TBC1D5: variants seen among roughly 807,000 people sequenced by gnomAD.
TBC1D5 encodes TBC1 domain family member 5.
Under a neutral mutation model 100.3 loss-of-function variants are expected in TBC1D5, and 75 were observed. The observed-to-expected ratio is 0.75, with a 90% confidence interval of 0.62 to 0.91. The LOEUF (loss-of-function observed/expected upper bound fraction) is 0.91, where lower values mean the gene tolerates loss of function less well. Ranked by LOEUF, TBC1D5 falls within the 40% of genes least tolerant of loss-of-function variation. The pLI is 0.00. For missense variants in TBC1D5, 910 were observed against 942.4 expected (o/e 0.97, Z 0.45); for synonymous variants, 323 against 325.6 (o/e 0.99, Z 0.09).
intron 9 of TBC1D5, among the ~76,000 whole-genome samples, chr3:17,379,119 G>A (rs1169900255): frequency 1.3e-5 from 2 of 148,694 alleles, no homozygotes; most frequent in African/African-American, 5.0e-5. Flanking sequence ...TTATCTTGAT[G>A]ATTCTATTTT....
At chr3:17,558,923 T>C (rs1358027353) in intron 2 of TBC1D5, among the ~76,000 whole-genome samples, 1 of 152,168 alleles carries the variant, frequency 6.6e-6, no homozygotes, top group Non-Finnish European at 1.5e-5. Context: ...CAGGCCAGAT[T>C]TGCCTCATAG....
Position 17,248,288 on chromosome 3 carries a change from G to A in TBC1D5, c.1332-9869C>T, listed in dbSNP as rs191517261. ...ATTACAGGCGTGAGCCACTGCGCCCGGCCTGATGTCTTGAATCCCTCTGAG... is the reference window on the plus strand; with the variant it reads ...ATTACAGGCGTGAGCCACTGCGCCCAGCCTGATGTCTTGAATCCCTCTGAG... On this transcript the variant is annotated intron_variant, in intron 16 of 21. Transcript: ENST00000253692. 3.4e-3 allele frequency among the ~76,000 whole-genome samples: 523 copies of A among 152,270 alleles called. 3 individuals carry two copies. Among genetic ancestry groups the A allele is most frequent in the Non-Finnish European group, 5.4e-3 (366 of 68,016 alleles).
At chr3:17,536,486 A>C (rs1016414267) in intron 2 of TBC1D5, among the ~76,000 whole-genome samples, 1 of 152,232 alleles carries the variant, frequency 6.6e-6, no homozygotes, top group South Asian at 2.1e-4. Context: ...ATCTATCTCC[A>C]TAACTTCTCA....
chr3:17,168,720 C>T (rs182494977), intron 19 of TBC1D5, among the ~76,000 whole-genome samples: 4 of 152,192 alleles, frequency 2.6e-5, no homozygotes, highest in Admixed American at 2.0e-4. Flanking sequence ...CTGATAGATA[C>T]ACCGATTTGA....
chr3:17,649,259 T>C (rs543034422), intron 1 of TBC1D5, among the ~76,000 whole-genome samples: 33 of 152,072 alleles, frequency 2.2e-4, no homozygotes, highest in African/African-American at 8.0e-4. Flanking sequence ...TTCTTATAAG[T>C]GGGGCTAAAT....
At chr3:17,401,380 T>TATGTGTATAATATAC (rs1559806156) in intron 8 of TBC1D5, among the ~76,000 whole-genome samples, 1 of 41,592 alleles carries the variant, frequency 2.4e-5, no homozygotes, top group Non-Finnish European at 5.0e-5. Flanking sequence ...TATACATATG[T>TATGTGTATAATATAC]ATATGTATAT....
At chr3:17,517,889 G>A (rs1305396745) in intron 2 of TBC1D5, among the ~76,000 whole-genome samples, 1 of 152,078 alleles carries the variant, frequency 6.6e-6, no homozygotes, top group East Asian at 1.9e-4. Flanking sequence ...AAAATTATAT[G>A]TATTTCTAAA....
intron 2 of TBC1D5, among the ~76,000 whole-genome samples, chr3:17,526,356 T>C (rs549817973): frequency 2.6e-5 from 4 of 152,278 alleles, no homozygotes; most frequent in Non-Finnish European, 4.4e-5. Flanking sequence ...TAGCTGGGAC[T>C]ACAGATGAGT....
At chr3:17,535,091 G>C (rs1440468567) in intron 2 of TBC1D5, among the ~76,000 whole-genome samples, 1 of 152,126 alleles carries the variant, frequency 6.6e-6, no homozygotes. Context: ...TTTCTTCAGT[G>C]AAATTATTAA....
At chr3:17,178,792 A>G (rs1271509805) in intron 19 of TBC1D5, among the ~76,000 whole-genome samples, 1 of 151,410 alleles carries the variant, frequency 6.6e-6, no homozygotes, top group Non-Finnish European at 1.5e-5. Flanking sequence ...GACATATGCC[A>G]CCATGCCCAA....
At chr3:17,717,280 T>G (rs1019396578) in intron 1 of TBC1D5, among the ~76,000 whole-genome samples, 3 of 149,574 alleles carry the variant, frequency 2.0e-5, no homozygotes, top group African/African-American at 7.3e-5. Flanking sequence ...GGGGGGTGGC[T>G]AAAGCAACAT....
chr3:17,168,866 G>A (rs1377234328), intron 19 of TBC1D5, among the ~76,000 whole-genome samples: 2 of 151,910 alleles, frequency 1.3e-5, no homozygotes, highest in African/African-American at 2.4e-5. Flanking sequence ...CAGTTGCTAC[G>A]GGACTCCTAG....
At chr3:17,331,433 G>A (rs1363988735) in intron 13 of TBC1D5, among the ~76,000 whole-genome samples, 4 of 152,100 alleles carry the variant, frequency 2.6e-5, no homozygotes, top group African/African-American at 9.7e-5. Flanking sequence ...ATTTGTCCAG[G>A]TCTTCTTCTA....
At chr3:17,197,660 C>T (rs891520735) in intron 18 of TBC1D5, among the ~76,000 whole-genome samples, 2 of 152,164 alleles carry the variant, frequency 1.3e-5, no homozygotes, top group Admixed American at 6.5e-5. Context: ...GCATGAGTTA[C>T]TGTGCCTAGA....
intron 1 of TBC1D5, chr3:17,700,133 G>T (rs1015216852): frequency 1.2e-4 from 18 of 149,634 alleles, no homozygotes; most frequent in African/African-American, 4.2e-4. Context: ...TAAACTGAAA[G>T]GGAACACTTG....
At chr3:17,704,672 G>A (rs1174738319) in intron 1 of TBC1D5, among the ~76,000 whole-genome samples, 2 of 68,538 alleles carry the variant, frequency 2.9e-5, no homozygotes, top group African/African-American at 9.7e-5. Flanking sequence ...CCTCCCTCCC[G>A]GACGGGGCGG....
At chr3:17,322,230 C>T (rs527615500) in intron 13 of TBC1D5, among the ~76,000 whole-genome samples, 1 of 152,258 alleles carries the variant, frequency 6.6e-6, no homozygotes, top group African/African-American at 2.4e-5. Context: ...ATTACACATA[C>T]CTTCATTTCT....
chr3:17,315,439 T>C (rs2084576575), intron 13 of TBC1D5, among the ~76,000 whole-genome samples: 1 of 152,230 alleles, frequency 6.6e-6, no homozygotes, highest in Non-Finnish European at 1.5e-5. Flanking sequence ...GGAGCGCAGC[T>C]GAATGGTCAT....
intron 3 of TBC1D5, among the ~76,000 whole-genome samples, chr3:17,444,824 T>C (rs1326166754): frequency 6.6e-6 from 1 of 152,148 alleles, no homozygotes; most frequent in Non-Finnish European, 1.5e-5. Flanking sequence ...ATACAATATA[T>C]AGTTTAATAC....
Sources: gnomAD v4.1 joint callset for allele counts (sites outside exome capture counted in the v4.1 genomes callset) on GRCh38, gnomAD v4.1.1 for gene constraint, MANE v1.5 for transcripts, NCBI Gene and HGNC (gene_info 2026-07-23, HGNC 2026-07-21) for gene names.